Variants in GAK observed in about 807,000 individuals in gnomAD.
GAK encodes the protein cyclin G associated kinase.
In GAK, 79 loss-of-function variants were observed where a neutral mutation model predicts 143.9. That is an observed-to-expected ratio of 0.55 (90% confidence interval 0.46 to 0.66). The LOEUF is 0.66. Among genes scored for constraint, GAK ranks in the 30% least tolerant of loss-of-function variants. The probability of loss-of-function intolerance (pLI) is 0.00; values close to 1 mark genes in which losing one functional copy is unlikely to be tolerated. For synonymous variants in GAK, 881 were observed against 765.5 expected (o/e 1.15, Z -2.49); for missense variants, 1,693 against 1,779.7 (o/e 0.95, Z 0.88).
At chr4:871,237 C>T (rs1179600391) in intron 18 of GAK, among the ~76,000 whole-genome samples, 1 of 152,232 alleles carries the variant, frequency 6.6e-6, no homozygotes, top group African/African-American at 2.4e-5. Context: ...CCTGCAACTC[C>T]AGGGGAGGCC....
chr4:854,970 G>A (rs1236051435), intron 24 of GAK, among the ~76,000 whole-genome samples: 5 of 152,326 alleles, frequency 3.3e-5, no homozygotes, highest in East Asian at 3.9e-4. Flanking sequence ...GCGTGAACCC[G>A]GTAAGGGAAC....
chr4:874,855 G>A (rs767347298), intron 18 of GAK, among the ~76,000 whole-genome samples: 3 of 152,178 alleles, frequency 2.0e-5, no homozygotes, highest in South Asian at 2.1e-4. Context: ...AGTCTCTCTC[G>A]TGACCCTCTC....
In GAK at chr4:891,650, C is replaced by T. The variant is rs1350351044; in HGVS notation, c.991-1028G>A. ...CTGATTCTGCCCATCTGCCCAGCGGCACCTCCTCCCGCCCCATCAAGAATC... is the reference window on the plus strand; with the variant it reads ...CTGATTCTGCCCATCTGCCCAGCGGTACCTCCTCCCGCCCCATCAAGAATC... On this transcript the variant is annotated intron_variant, in intron 9 of 27. Coordinates refer to ENST00000314167, the MANE Select transcript of GAK (RefSeq NM_005255.4). Among the ~76,000 whole-genome samples the T allele has an allele frequency of 9.9e-5, 15 of 152,264 alleles. No individual in the cohort carries two copies. The East Asian group carries it at 2.7e-3, about 27-fold the overall frequency.
At chr4:905,535 C>A (rs908032547) in intron 4 of GAK, among the ~76,000 whole-genome samples, 1 of 148,842 alleles carries the variant, frequency 6.7e-6, no homozygotes, top group Non-Finnish European at 1.5e-5. Context: ...CCCCATGCCA[C>A]GCTACGGACT....
In GAK at chr4:851,449, C is replaced by CG. The variant is rs1748123961; in HGVS notation, c.3508+300dup. 4 of 517,764 alleles carry CG rather than the reference C, an allele frequency of 7.7e-6. No homozygotes were observed. The East Asian group carries it at 1.4e-4, about 18-fold the overall frequency. 32.1% of individuals were successfully genotyped at this position (517,764 alleles called of 1,614,324 possible). A position where few individuals can be genotyped will look rare whatever the true frequency, so the allele number is the denominator to read the frequency against. The stretch of plus-strand genomic sequence containing the variant: ...CAGGCCCAATTCCACCTGCTGCCCC[C>CG]GGGAACAGGGCTACCATCCTGATGC... On this transcript the variant is annotated intron_variant, in intron 25 of 27. Transcript: ENST00000314167.
At chr4:889,454 A>G (rs570709148) in intron 10 of GAK, among the ~76,000 whole-genome samples, 1 of 151,802 alleles carries the variant, frequency 6.6e-6, no homozygotes, top group Non-Finnish European at 1.5e-5. Flanking sequence ...TTAAAAAAAA[A>G]ACACCTGGCC....
Position 914,718 on chromosome 4 carries a change from C to T in GAK, c.146-1050G>A, listed in dbSNP as rs1252000216. ...CACAGAGCCCCAGCATACACGGCCC[C>T]CCGCACTCAGCCCCAGCGTGCAAGG... is the stretch of plus-strand genomic sequence containing the variant. On this transcript the variant is annotated intron_variant, in intron 1 of 27. Coordinates refer to ENST00000314167, the MANE Select transcript of GAK (RefSeq NM_005255.4). Among the ~76,000 whole-genome samples, 9 of 129,268 alleles carry T rather than the reference C, an allele frequency of 7.0e-5. No homozygotes were observed. The South Asian group carries it at 2.4e-3, about 35-fold the overall frequency. The allele number at this position is 129,268 out of a possible 152,430, so 84.8% of individuals were successfully genotyped here. A position where few individuals can be genotyped will look rare whatever the true frequency, so the allele number is the denominator to read the frequency against.
At chr4:913,713 T>A in intron 1 of GAK, 45 bp from the exon 2 acceptor site, 1 of 1,482,126 alleles carries the variant, frequency 6.7e-7, no homozygotes, top group Non-Finnish European at 9.4e-7. Flanking sequence ...TGATTTTATT[T>A]AACATATCAG....
At chr4:912,236 A>G in intron 3 of GAK, 1 of 444,672 alleles carries the variant, frequency 2.2e-6, no homozygotes, top group South Asian at 1.6e-5. Context: ...CAGGCTCAGG[A>G]GGGACATGTG....
In GAK at chr4:851,828, G is replaced by C. The variant is rs1159920438; in HGVS notation, c.3430C>G (p.Gln1144Glu). 6.2e-7 allele frequency: 1 copy of C among 1,610,888 alleles called. No individual in the cohort carries two copies. Among genetic ancestry groups the C allele is most frequent in the South Asian group, 1.1e-5 (1 of 90,756 alleles). Reference protein sequence around the residue: ...QAKPPPKACTQPRPNYASNFS... With the variant: ...QAKPPPKACTEPRPNYASNFS... ...TTCGAGGCATAGTTAGGCCTTGGCT[G>C]TGTGCAGGCTTTGGGGGGCGGCTTG... The change falls in exon 25 of 28, where the codon CAG becomes GAG. Residue 1144 changes from glutamine (Q) to glutamate (E), a missense_variant. Transcript: ENST00000314167.
At chr4:865,326 G>A in intron 22 of GAK, 82 bp from the exon 23 acceptor site, 4 of 1,571,936 alleles carry the variant, frequency 2.5e-6, no homozygotes, top group Non-Finnish European at 3.5e-6. Flanking sequence ...CTGTGCTCAG[G>A]GCCCTAGGAG....
intron 7 of GAK, among the ~76,000 whole-genome samples, 180 bp downstream of exon 7, chr4:896,280 C>CA (rs892700851): frequency 6.6e-6 from 1 of 151,684 alleles, no homozygotes; most frequent in African/African-American, 2.4e-5. Context: ...CAAAAAAACC[C>CA]AAAAAAACAG....
intron 24 of GAK, chr4:859,232 T>C (rs1749830968): frequency 2.5e-6 from 3 of 1,190,104 alleles, no homozygotes; most frequent in Non-Finnish European, 3.2e-6. Flanking sequence ...TCGGTTCTTG[T>C]GGCCGACAGC....
intron 5 of GAK, among the ~76,000 whole-genome samples, chr4:899,499 G>A (rs3775122): frequency 0.084 from 12,775 of 152,254 alleles, 786 homozygotes; most frequent in South Asian, 0.19. Context: ...CACGCGGTCA[G>A]TATGGGCTCA....
intron 24 of GAK, 157 bp from the exon 25 acceptor site, chr4:852,131 C>G: frequency 1.5e-6 from 1 of 683,050 alleles, no homozygotes. Flanking sequence ...TCCACCCACA[C>G]GTGTGAAGGT....
At chr4:857,261 T>C (rs919617247) in intron 24 of GAK, among the ~76,000 whole-genome samples, 1 of 152,166 alleles carries the variant, frequency 6.6e-6, no homozygotes, top group Non-Finnish European at 1.5e-5. Context: ...TCATGGGGAA[T>C]ATAGTCCCAG....
At chr4:882,923 T>C (rs1037264637) in intron 13 of GAK, 104 bp from the exon 14 acceptor site, 1 of 1,459,262 alleles carries the variant, frequency 6.9e-7, no homozygotes, top group Non-Finnish European at 9.2e-7. Flanking sequence ...CTCCGCCAGC[T>C]GGTGTCATGA....
chr4:882,917 G>A (rs924228692), intron 13 of GAK, 98 bp from the exon 14 acceptor site: 12 of 1,473,486 alleles, frequency 8.1e-6, no homozygotes, highest in East Asian at 7.0e-5. Flanking sequence ...GGGGGCCTCC[G>A]CCAGCTGGTG....
intron 18 of GAK, among the ~76,000 whole-genome samples, chr4:875,345 T>C (rs537379292): frequency 1.3e-5 from 2 of 152,062 alleles, no homozygotes; most frequent in South Asian, 2.1e-4. Flanking sequence ...AGACAAGAGA[T>C]GTAAAAAAAG....
Sources: gnomAD v4.1 joint callset for allele counts (sites outside exome capture counted in the v4.1 genomes callset) on GRCh38, gnomAD v4.1.1 for gene constraint, MANE v1.5 for transcripts, NCBI Gene and HGNC (gene_info 2026-07-23, HGNC 2026-07-21) for gene names.